OR51B5: variants seen among roughly 807,000 people sequenced by gnomAD.
OR51B5 encodes olfactory receptor family 51 subfamily B member 5.
For missense variants in OR51B5, 456 were observed against 374.6 expected, an observed-to-expected ratio of 1.22 and a Z score of -1.79; for synonymous variants, 186 against 144.8, an observed-to-expected ratio of 1.28 and a Z score of -2.04.
At chr11:5,454,529 G>A (rs11037506) in intron 1 of OR51B5, 4 of 1,004,988 alleles carry the variant, frequency 4.0e-6, no homozygotes, top group African/African-American at 3.2e-5. Context: ...TGTGCTGCGG[G>A]AAAAGTAGGC....
Position 5,393,462 on chromosome 11 carries a change from T to TA in OR51B5, n.85-46553dup, listed in dbSNP as rs552963834. ...TTTGTATCAAAAGAAAAACAGCTGT[T>TA]ATATATAATCTTATTTTCTATATAG... On this transcript the variant is annotated intron_variant and non_coding_transcript_variant, in intron 1 of 4. Transcript: ENST00000415970. 2.2e-3 allele frequency among the ~76,000 whole-genome samples: 334 copies of TA among 152,276 alleles called. 2 individuals are homozygous for TA. Among genetic ancestry groups the TA allele is most frequent in the African/African-American group, 7.6e-3 (317 of 41,578 alleles).
At chr11:5,463,305 A>G (rs1246530297) in intron 1 of OR51B5, among the ~76,000 whole-genome samples, 3 of 152,232 alleles carry the variant, frequency 2.0e-5, no homozygotes, top group Non-Finnish European at 4.4e-5. Context: ...ATTGCCAGCC[A>G]AACTTTCTAC....
chr11:5,465,490 C>G (rs1231749109), intron 1 of OR51B5, among the ~76,000 whole-genome samples: 21 of 151,738 alleles, frequency 1.4e-4, no homozygotes, highest in African/African-American at 2.4e-4. Context: ...AAAAGAGCCC[C>G]CATCACCAAG....
At chr11:5,415,269 C>T (rs1850223008) in intron 1 of OR51B5, among the ~76,000 whole-genome samples, 1 of 150,326 alleles carries the variant, frequency 6.7e-6, no homozygotes, top group Admixed American at 6.7e-5. Flanking sequence ...GGGACACATT[C>T]AAAGCAGTGT....
At chr11:5,367,363 T>C (rs915017551) in intron 1 of OR51B5, among the ~76,000 whole-genome samples, 17 of 152,178 alleles carry the variant, frequency 1.1e-4, no homozygotes, top group African/African-American at 4.1e-4. Context: ...GGCTACCCTA[T>C]AGGCAGAACA....
At chr11:5,367,879 A>G (rs900045589) in intron 1 of OR51B5, among the ~76,000 whole-genome samples, 13 of 152,102 alleles carry the variant, frequency 8.5e-5, no homozygotes, top group East Asian at 1.9e-4. Context: ...CTTTCTGCCT[A>G]TATCTATTTT....
chr11:5,430,874 C>T (rs781677280), intron 1 of OR51B5: 7 of 457,266 alleles, frequency 1.5e-5, no homozygotes, highest in Non-Finnish European at 2.6e-5. Flanking sequence ...ATATGTGACA[C>T]ACATGTGTTG....
chr11:5,401,210 T>C (rs1357903240), intron 1 of OR51B5, among the ~76,000 whole-genome samples: 1 of 152,222 alleles, frequency 6.6e-6, no homozygotes, highest in Non-Finnish European at 1.5e-5. Context: ...TCCACTGTTG[T>C]TGCCGTAGTG....
chr11:5,473,817 T>C (rs1156665273), intron 1 of OR51B5, among the ~76,000 whole-genome samples: 2 of 151,878 alleles, frequency 1.3e-5, no homozygotes, highest in Non-Finnish European at 2.9e-5. Context: ...TTTTAAATTA[T>C]AGGACAAAAA....
chr11:5,351,633 T>A (rs10837882), intron 1 of OR51B5: 205,477 of 1,613,948 alleles, frequency 0.13, 14,513 homozygotes, highest in East Asian at 0.24. Context: ...GCAATGGCAC[T>A]CTTCTCTTTC....
chr11:5,488,565 C>A, intron 1 of OR51B5: 2 of 634,234 alleles, frequency 3.2e-6, no homozygotes, highest in South Asian at 4.0e-5. Flanking sequence ...GATGTTTGTA[C>A]AAGTGAAAAA....
intron 1 of OR51B5, among the ~76,000 whole-genome samples, chr11:5,428,522 G>A (rs75506846): frequency 0.1 from 15,536 of 152,194 alleles, 1,129 homozygotes; most frequent in African/African-American, 0.2. Context: ...GCACAATAAA[G>A]TGAAGCATGT....
In OR51B5 at chr11:5,444,931, A is replaced by T. The variant is rs188437252; in HGVS notation, n.84+60638T>A. 2.4e-4 allele frequency among the ~76,000 whole-genome samples: 37 copies of T among 152,318 alleles called. No individual in the cohort carries two copies. In the South Asian group the frequency reaches 3.7e-3, roughly 15 times the overall value. Reference sequence around the variant, plus strand: ...ACACACTGCATACATGTATGCACAGAAACATAAATAGCCATAGCTCTCCTG... The same window carrying T: ...ACACACTGCATACATGTATGCACAGTAACATAAATAGCCATAGCTCTCCTG... On this transcript the variant is annotated intron_variant and non_coding_transcript_variant, in intron 1 of 4. Coordinates refer to the OR51B5 transcript ENST00000415970.
intron 1 of OR51B5, among the ~76,000 whole-genome samples, chr11:5,434,347 T>C (rs2133770975): frequency 6.6e-6 from 1 of 152,286 alleles, no homozygotes; most frequent in African/African-American, 2.4e-5. Flanking sequence ...AAGTTAAACA[T>C]TTATTTGTGT....
chr11:5,472,228 G>C (rs981080654), intron 1 of OR51B5, among the ~76,000 whole-genome samples: 2 of 152,140 alleles, frequency 1.3e-5, no homozygotes, highest in African/African-American at 2.4e-5. Context: ...TGTGCATGTG[G>C]GGAGAGAAAT....
intron 1 of OR51B5, among the ~76,000 whole-genome samples, chr11:5,411,480 A>G (rs932687575): frequency 4.1e-5 from 2 of 48,562 alleles, no homozygotes; most frequent in Non-Finnish European, 1.4e-4. Flanking sequence ...GTGACACATG[A>G]CTGTATTTCT....
intron 1 of OR51B5, among the ~76,000 whole-genome samples, chr11:5,446,238 G>A (rs925940315): frequency 2.0e-5 from 3 of 151,346 alleles, no homozygotes; most frequent in Non-Finnish European, 2.9e-5. Flanking sequence ...ATGTACCCTA[G>A]AACTTAAAGT....
intron 1 of OR51B5, chr11:5,422,102 G>A (rs1226584797): frequency 1.1e-6 from 1 of 935,928 alleles, no homozygotes; most frequent in East Asian, 2.5e-5. Context: ...ACATTTATTT[G>A]TGTAGAATTT....
chr11:5,383,924 C>G (rs1459326773), intron 1 of OR51B5: 1 of 152,230 alleles, frequency 6.6e-6, no homozygotes, highest in Admixed American at 6.6e-5. Flanking sequence ...GCTGGTGAGT[C>G]TCACTACTGT....
Sources: gnomAD v4.1 joint callset for allele counts (sites outside exome capture counted in the v4.1 genomes callset) on GRCh38, gnomAD v4.1.1 for gene constraint, MANE v1.5 for transcripts, NCBI Gene and HGNC (gene_info 2026-07-23, HGNC 2026-07-21) for gene names.